The following TAPT1 variants were observed in gnomAD, a reference collection of about 807,000 sequenced individuals.
TAPT1 encodes transmembrane anterior posterior transformation protein 1 homolog.
A neutral mutation model predicts 65.6 loss-of-function variants in TAPT1; 28 were observed. That is an observed-to-expected ratio of 0.43 (90% CI 0.32 to 0.59). TAPT1 has a LOEUF of 0.59. Ranked by LOEUF, TAPT1 falls within the 20% of genes least tolerant of loss-of-function variation. The probability of loss-of-function intolerance (pLI) is 0.09; values close to 1 mark genes in which losing one functional copy is unlikely to be tolerated. For synonymous variants in TAPT1, 278 were observed against 245.2 expected, an observed-to-expected ratio of 1.13 and a Z score of -1.25; for missense variants, 563 against 679.9, an observed-to-expected ratio of 0.83 and a Z score of 1.91.
intron 7 of TAPT1, among the ~76,000 whole-genome samples, chr4:16,180,254 G>A (rs1351004919): frequency 6.6e-6 from 1 of 152,152 alleles, no homozygotes; most frequent in Non-Finnish European, 1.5e-5. Context: ...GAGATTAGGT[G>A]GAAGGAATTT....
At chr4:16,203,011 A>G (rs921541752) in intron 2 of TAPT1, among the ~76,000 whole-genome samples, 1 of 152,188 alleles carries the variant, frequency 6.6e-6, no homozygotes, top group East Asian at 1.9e-4. Flanking sequence ...CTTTAACACA[A>G]TTTCATGTGC....
Position 16,166,633 on chromosome 4 carries a change from C to G in TAPT1, c.1474G>C (p.Gly492Arg), listed in dbSNP as rs138378020. 1 of 1,613,644 alleles carries G rather than the reference C, an allele frequency of 6.2e-7. No homozygotes were observed. The highest frequency in any genetic ancestry group is 8.5e-7 in the Non-Finnish European group (1 of 1,179,594). Residue 492 changes from glycine to arginine, a missense_variant and splice_region_variant, in exon 13 of 14, where the codon GGC (glycine) becomes CGC (arginine). This residue lies in a region of TAPT1 where 136 missense variants were observed against 153.9 expected (regional missense o/e 0.88). Transcript: ENST00000405303. ...AAGTGAAGAAAGGGACCAAACCTAC[C>G]TTGAGAGGGTTTACATTTGTTCTGT... ...KSQNKCKPSQ[G>R]LSTEENLSAS...
rs60898722 is a variant in TAPT1 at position 16,194,704 on chromosome 4, G to A, written c.450-3181C>T. On this transcript the variant is annotated intron_variant, in intron 3 of 13. Transcript: ENST00000405303. ...ACGATATACACATATTGAATTCACT[G>A]CTTTCTGTGCACCCCCTGCTCTGGT... Among the ~76,000 whole-genome samples, 666 of 152,120 alleles carry A rather than the reference G, an allele frequency of 4.4e-3. 2 individuals are homozygous for A. The highest frequency in any genetic ancestry group is 0.014 in the African/African-American group (593 of 41,484).
rs1424118957 is a variant in TAPT1 at position 16,161,855 on chromosome 4, T to G, written c.*1453A>C. 6.6e-6 allele frequency: 1 copy of G among 152,176 alleles called. No homozygotes were observed. The highest frequency in any genetic ancestry group is 1.5e-5 in the Non-Finnish European group (1 of 68,024). The allele number at this position is 152,176 out of a possible 1,614,324, so 9.4% of individuals were successfully genotyped here. ...TCACCTAAAAATTGCTTTCTGCCTA[T>G]GTATGTACGCCTGAAACATTTGCAT... On this transcript the variant is annotated 3_prime_UTR_variant, in exon 14 of 14. Transcript: ENST00000405303.
chr4:16,172,436 G>A (rs988555455), intron 11 of TAPT1, among the ~76,000 whole-genome samples: 1 of 151,580 alleles, frequency 6.6e-6, no homozygotes, highest in Non-Finnish European at 1.5e-5. Context: ...AAACAAATGC[G>A]GAAATATTTA....
At chr4:16,167,398 T>A (rs1662650) in intron 12 of TAPT1, among the ~76,000 whole-genome samples, 71,903 of 152,072 alleles carry the variant, frequency 0.47, 18,270 homozygotes, top group African/African-American at 0.66. Flanking sequence ...GCACATGCAG[T>A]TGAACAAAAA....
intron 1 of TAPT1, among the ~76,000 whole-genome samples, chr4:16,224,391 C>T (rs1751430761): frequency 6.6e-6 from 1 of 152,146 alleles, no homozygotes; most frequent in South Asian, 2.1e-4. Flanking sequence ...TGGGTGCTAG[C>T]AGTGGCAGGA....
chr4:16,226,636 G>T, upstream of TAPT1: 2 of 196,486 alleles, frequency 1.0e-5, no homozygotes, highest in Non-Finnish European at 1.8e-5. Flanking sequence ...GGCCGCTGCC[G>T]CCGCCGCCGC....
chr4:16,203,629 T>C (rs1480304511), intron 2 of TAPT1, among the ~76,000 whole-genome samples: 1 of 152,010 alleles, frequency 6.6e-6, no homozygotes, highest in Non-Finnish European at 1.5e-5. Flanking sequence ...AGAGATAATA[T>C]GAAGACCGAA....
chr4:16,179,462 T>G, intron 8 of TAPT1, 115 bp downstream of exon 8: 1 of 613,146 alleles, frequency 1.6e-6, no homozygotes. Context: ...ACCCAAACAG[T>G]AAAACAGCCA....
chr4:16,224,784 C>G (rs1293329098), intron 1 of TAPT1, among the ~76,000 whole-genome samples: 1 of 152,136 alleles, frequency 6.6e-6, no homozygotes, highest in African/African-American at 2.4e-5. Flanking sequence ...CAGAAAAAGC[C>G]AGGGAAGAAG....
chr4:16,170,068 C>G (rs1747896061), intron 12 of TAPT1, among the ~76,000 whole-genome samples: 1 of 152,216 alleles, frequency 6.6e-6, no homozygotes, highest in South Asian at 2.1e-4. Flanking sequence ...TCGTTCACTT[C>G]TTGAGAAAAG....
intron 12 of TAPT1, 193 bp from the exon 13 acceptor site, chr4:16,166,986 G>C: frequency 2.9e-6 from 1 of 340,352 alleles, no homozygotes; most frequent in Admixed American, 4.3e-5. Context: ...GAATTCCTTA[G>C]TTCTCTTTTT....
chr4:16,197,714 T>C (rs1279391178), intron 3 of TAPT1, among the ~76,000 whole-genome samples: 4 of 152,220 alleles, frequency 2.6e-5, no homozygotes, highest in Non-Finnish European at 1.5e-5. Flanking sequence ...CTGTTTTATA[T>C]GTCATGAATC....
chr4:16,171,950 T>C (rs766350423), intron 11 of TAPT1, among the ~76,000 whole-genome samples: 5 of 152,130 alleles, frequency 3.3e-5, no homozygotes, highest in African/African-American at 1.2e-4. Context: ...AAGAAAAAAT[T>C]GCCATCCTTG....
chr4:16,199,369 A>T (rs10019399), intron 3 of TAPT1, among the ~76,000 whole-genome samples: 71,725 of 151,968 alleles, frequency 0.47, 18,132 homozygotes, highest in African/African-American at 0.66. Context: ...ACTTTGAAAA[A>T]AGAAAACATC....
intron 8 of TAPT1, 25 bp from the exon 9 acceptor site, chr4:16,176,253 A>T (rs75761088): frequency 4.9e-6 from 6 of 1,230,660 alleles, no homozygotes; most frequent in African/African-American, 1.5e-5. Context: ...AAGAAAAACA[A>T]CGAAATATCT....
At chr4:16,197,978 G>T (rs2149699413) in intron 3 of TAPT1, among the ~76,000 whole-genome samples, 1 of 152,190 alleles carries the variant, frequency 6.6e-6, no homozygotes, top group South Asian at 2.1e-4. Flanking sequence ...TTTTAGGGAG[G>T]GAGTGCATCC....
In TAPT1 at chr4:16,202,598, G is replaced by C; in HGVS notation, c.331-18C>G. 1 of 1,297,970 alleles carries C rather than the reference G, an allele frequency of 7.7e-7. No individual in the cohort carries two copies. Among genetic ancestry groups the C allele is most frequent in the South Asian group, 1.5e-5 (1 of 67,182 alleles). 80.4% of individuals were successfully genotyped at this position (1,297,970 alleles called of 1,614,324 possible). ...ACCATCAGCTGAATTTTAACAAGGAGAGAAGAAAAAAAAAAAGTATTTTAA... is the reference window on the plus strand; with the variant it reads ...ACCATCAGCTGAATTTTAACAAGGACAGAAGAAAAAAAAAAAGTATTTTAA... On this transcript the variant is annotated intron_variant, in intron 2 of 13. Transcript: ENST00000405303.
Sources: gnomAD v4.1 joint callset for allele counts (sites outside exome capture counted in the v4.1 genomes callset) on GRCh38, gnomAD v4.1.1 for gene constraint, gnomAD v4.1.1 regional missense constraint, MANE v1.5 for transcripts, NCBI Gene and HGNC (gene_info 2026-07-23, HGNC 2026-07-21) for gene names.